The following ABCC5 variants were observed in gnomAD, a reference collection of about 807,000 sequenced individuals.
ABCC5 encodes the protein ATP-binding cassette sub-family C member 5.
Under a neutral mutation model 160.9 loss-of-function variants are expected in ABCC5, and 61 were observed. The ratio of observed to expected loss-of-function variants is 0.38; its 90% confidence interval spans 0.31 to 0.47. ABCC5 has a LOEUF of 0.47. ABCC5 is among the 20% of genes least tolerant of loss of function. The pLI, the probability that ABCC5 is intolerant of heterozygous loss-of-function variation, is 0.99. For missense variants in ABCC5, 1,308 were observed against 1,813.3 expected (o/e 0.72, Z 5.06); for synonymous variants, 666 against 700.6 (o/e 0.95, Z 0.78).
At chr3:183,994,855 GTTTTTTT>G (rs71632005) in intron 2 of ABCC5, among the ~76,000 whole-genome samples, 1 of 109,706 alleles carries the variant, frequency 9.1e-6, no homozygotes, top group Non-Finnish European at 2.0e-5. Context: ...CATTTTCTAT[GTTTTTTT>G]TTTTTTTTTT....
Position 183,951,903 on chromosome 3 carries a change from G to A in ABCC5, c.2768C>T (p.Ala923Val), listed in dbSNP as rs1715392234. 1 of 1,614,044 alleles carries A rather than the reference G, an allele frequency of 6.2e-7. No homozygotes were observed. Among genetic ancestry groups the A allele is most frequent in the Non-Finnish European group, 8.5e-7 (1 of 1,179,940 alleles). Residue 923 changes from alanine (A) to valine (V), a missense_variant, in exon 19 of 30, where the codon GCA becomes GTA. Physicochemically the swap from Ala to Val is moderately conservative, Grantham distance 64. This residue lies in a region of ABCC5 where 1,142 missense variants were observed against 1,527.1 expected (regional missense o/e 0.75). Coordinates refer to ENST00000334444, the MANE Select transcript of ABCC5 (RefSeq NM_005688.4). This position sits in a 1 kb window ranked among gnomAD's most constrained non-coding sequence, Gnocchi z 4.7. ...YYASIYALSM[A>V]VMLILKAIRG... ...AATGGCTTTCAGGATCAGCATGACT[G>A]CCATGGAGAGGGCGTAGATGCTGGC...
At chr3:184,011,083 T>C (rs555658612) in intron 2 of ABCC5, among the ~76,000 whole-genome samples, 78 of 152,244 alleles carry the variant, frequency 5.1e-4, no homozygotes, top group African/African-American at 1.8e-3. Flanking sequence ...TTTTCTTATG[T>C]CCACGAATAG....
intron 2 of ABCC5, among the ~76,000 whole-genome samples, chr3:183,993,840 C>T (rs66850130): frequency 0.23 from 34,918 of 151,994 alleles, 4,960 homozygotes; most frequent in Middle Eastern, 0.33. Flanking sequence ...CCAAAATACA[C>T]GGATCTTGAA....
At chr3:183,953,004 G>C in intron 18 of ABCC5, 82 bp downstream of exon 18, 2 of 1,406,054 alleles carry the variant, frequency 1.4e-6, no homozygotes. Flanking sequence ...AACTAGAACA[G>C]TTTCCCTAAG....
intron 11 of ABCC5, among the ~76,000 whole-genome samples, 161 bp from the exon 12 acceptor site, chr3:183,967,927 T>A (rs1489707942): frequency 6.6e-6 from 1 of 152,190 alleles, no homozygotes; most frequent in East Asian, 1.9e-4. Flanking sequence ...TAGCTGCCTA[T>A]CTCATGGGTT....
At chr3:183,937,384 C>T (rs1713840188) in intron 26 of ABCC5, among the ~76,000 whole-genome samples, 1 of 151,964 alleles carries the variant, frequency 6.6e-6, no homozygotes, top group African/African-American at 2.4e-5. Flanking sequence ...CTCAAACAAA[C>T]AGAACAAAAA....
At chr3:183,966,705 C>T (rs192481151) in intron 12 of ABCC5, among the ~76,000 whole-genome samples, 31 of 152,198 alleles carry the variant, frequency 2.0e-4, no homozygotes, top group Admixed American at 8.5e-4. Flanking sequence ...CTGGGCCCAG[C>T]CACTGGAGAG....
intron 17 of ABCC5, 50 bp from the exon 18 acceptor site, chr3:183,953,320 A>G: frequency 3.9e-6 from 6 of 1,531,784 alleles, no homozygotes; most frequent in Non-Finnish European, 5.3e-6. Context: ...AACTATTTCC[A>G]TAAAACTAAG....
At chr3:183,930,727 G>A (rs761031081) in intron 26 of ABCC5, among the ~76,000 whole-genome samples, 2 of 152,196 alleles carry the variant, frequency 1.3e-5, no homozygotes, top group Admixed American at 6.6e-5. Context: ...GCAAGGAAGC[G>A]TCCTTCCCTA....
intron 1 of ABCC5, among the ~76,000 whole-genome samples, chr3:184,016,680 A>G (rs1722218898): frequency 6.6e-6 from 1 of 152,196 alleles, no homozygotes; most frequent in African/African-American, 2.4e-5. Context: ...TTTTGTTTGT[A>G]AAAAACAAAC....
At chr3:183,969,743 C>G (rs1717568664) in intron 11 of ABCC5, among the ~76,000 whole-genome samples, 1 of 151,708 alleles carries the variant, frequency 6.6e-6, no homozygotes. Context: ...GACTTGCATG[C>G]CCTTCAATGA....
chr3:183,963,247 G>T lies in ABCC5; in HGVS notation c.2235+138C>A. 1.2e-6 allele frequency: 1 copy of T among 843,066 alleles called. No homozygotes were observed. Among genetic ancestry groups the T allele is most frequent in the Non-Finnish European group, 1.9e-6 (1 of 524,886 alleles). 52.2% of individuals were successfully genotyped at this position (843,066 alleles called of 1,614,324 possible). ...GGTACAGTGAGCTTTATTGGTACAG[G>T]GGGCTAATTTGCTAAGAAAATGAAA... On this transcript the variant is annotated intron_variant, in intron 15 of 29. Transcript: ENST00000334444. This position sits in a 1 kb window ranked among gnomAD's most constrained non-coding sequence, Gnocchi z 4.6.
In ABCC5 at chr3:183,927,373, C is replaced by T. The variant is rs774086967; in HGVS notation, c.4004G>A (p.Arg1335Gln). The T allele has an allele frequency of 1.8e-5, 29 of 1,613,584 alleles. No homozygotes were observed. Among genetic ancestry groups the T allele is most frequent in the Non-Finnish European group, 2.5e-5 (29 of 1,179,840 alleles). Residue 1335 changes from arginine to glutamine, a missense_variant, in exon 28 of 30, where the codon CGG becomes CAG. Coordinates refer to ENST00000334444, the MANE Select transcript of ABCC5 (RefSeq NM_005688.4). The stretch of plus-strand genomic sequence containing the variant: ...GGCTCTAGCTATGCACAAGAGCTGC[C>T]GTTCCCCCACTGAGAAGTTATCCCC... ...ENGDNFSVGE[R>Q]QLLCIARALL...
rs1408762936 is a variant in ABCC5 at position 183,987,603 on chromosome 3, T to C, written c.591+167A>G. On this transcript the variant is annotated intron_variant, in intron 5 of 29. Transcript: ENST00000334444. This position sits in a 1 kb window ranked among gnomAD's most constrained non-coding sequence, Gnocchi z 4.2. ...CTCTGGCAACACTGCCCTTTCATCC[T>C]TCCAGCTGTTGCCAAAATCCATCGA... 1.1e-6 allele frequency: 1 copy of C among 886,324 alleles called. No individual in the cohort carries two copies. Among genetic ancestry groups the C allele is most frequent in the Non-Finnish European group, 1.8e-6 (1 of 558,548 alleles). 54.9% of individuals were successfully genotyped at this position (886,324 alleles called of 1,614,324 possible). A position where few individuals can be genotyped will look rare whatever the true frequency, so the allele number is the denominator to read the frequency against.
At chr3:183,968,199 G>A (rs1467545468) in intron 11 of ABCC5, among the ~76,000 whole-genome samples, 1 of 152,006 alleles carries the variant, frequency 6.6e-6, no homozygotes, top group Non-Finnish European at 1.5e-5. Context: ...TGCGATCTTG[G>A]CTCACTGCAG....
Position 183,920,686 on chromosome 3 carries a change from G to GCCCACCCGTCTCCAGCCA in ABCC5, c.*596_*613dup, listed in dbSNP as rs1711887609. On this transcript the variant is annotated 3_prime_UTR_variant, in exon 30 of 30. Coordinates refer to ENST00000334444, the MANE Select transcript of ABCC5 (RefSeq NM_005688.4). The surrounding 1 kb of genome is among the most constrained non-coding windows in gnomAD (Gnocchi z 4.1). ...ACGGCGCTCTGCATGGTCTCCAGCCGCCCACCCGTCTCCAGCCACCCCTGG... is the reference window on the plus strand; with the variant it reads ...ACGGCGCTCTGCATGGTCTCCAGCCGCCCACCCGTCTCCAGCCACCCACCCGTCTCCAGCCACCCCTGG... 6.6e-6 allele frequency: 1 copy of GCCCACCCGTCTCCAGCCA among 152,652 alleles called. No individual in the cohort carries two copies. The highest frequency in any genetic ancestry group is 1.5e-5 in the Non-Finnish European group (1 of 68,066). 9.5% of individuals were successfully genotyped at this position (152,652 alleles called of 1,614,324 possible).
rs906229795 is a variant in ABCC5, at chr3:184,017,505, G to A, written c.-56+325C>T. ...ACAGCCCGCTCCGGCCTGCCCAGGC[G>A]AGCGCGACCCACACCCACGGCCCGC... On this transcript the variant is annotated intron_variant, in intron 1 of 29. Coordinates refer to ENST00000334444, the MANE Select transcript of ABCC5 (RefSeq NM_005688.4). The surrounding 1 kb of genome is among the most constrained non-coding windows in gnomAD (Gnocchi z 4.5). 14 of 152,216 alleles carry A rather than the reference G, an allele frequency of 9.2e-5. No homozygotes were observed. The highest frequency in any genetic ancestry group is 3.1e-4 in the African/African-American group (13 of 41,540). 9.4% of individuals were successfully genotyped at this position (152,216 alleles called of 1,614,324 possible).
intron 2 of ABCC5, among the ~76,000 whole-genome samples, chr3:183,992,709 A>C (rs941589969): frequency 1.1e-4 from 16 of 152,198 alleles, no homozygotes; most frequent in Non-Finnish European, 2.1e-4. Flanking sequence ...GAACGGTGTG[A>C]ACCTGGGAGG....
intron 15 of ABCC5, among the ~76,000 whole-genome samples, chr3:183,962,007 C>T (rs1716791550): frequency 6.6e-6 from 1 of 152,178 alleles, no homozygotes; most frequent in South Asian, 2.1e-4. Flanking sequence ...CCATCTCGGC[C>T]TCCCAAAGTG....
Sources: gnomAD v4.1 joint callset for allele counts (sites outside exome capture counted in the v4.1 genomes callset) on GRCh38, gnomAD v4.1.1 for gene constraint, gnomAD v4.1.1 regional missense constraint, Gnocchi (gnomAD v3.1) non-coding constraint, MANE v1.5 for transcripts, NCBI Gene and HGNC (gene_info 2026-07-23, HGNC 2026-07-21) for gene names.